The following CSMD1 variants were observed in gnomAD, a reference collection of about 807,000 sequenced individuals.
CSMD1 encodes CUB and Sushi multiple domains 1, also known as CUB and sushi domain-containing protein 1.
A neutral mutation model predicts 417.5 loss-of-function variants in CSMD1; 213 were observed. That is an observed-to-expected ratio of 0.51 (90% CI 0.46 to 0.57). The LOEUF (loss-of-function observed/expected upper bound fraction) is 0.57, where lower values mean the gene tolerates loss of function less well. CSMD1 is among the 20% of genes least tolerant of loss of function. CSMD1 has a pLI of 0.00. For synonymous variants in CSMD1, 2,862 were observed against 1,736.8 expected (o/e 1.65, Z -16.11); for missense variants, 6,923 against 4,529.7 (o/e 1.53, Z -15.17).
At chr8:4,484,976 G>C (rs1398918105) in intron 2 of CSMD1, among the ~76,000 whole-genome samples, 5 of 68,470 alleles carry the variant, frequency 7.3e-5, no homozygotes, top group African/African-American at 3.0e-4. Context: ...GTGAGACTCT[G>C]CCTCAAAAAA....
At chr8:3,312,789 C>T (rs1563260626) in intron 23 of CSMD1, among the ~76,000 whole-genome samples, 1 of 135,236 alleles carries the variant, frequency 7.4e-6, no homozygotes, top group Middle Eastern at 3.7e-3. Context: ...GTCAGCATCT[C>T]TCAGGTTCTC....
chr8:4,662,482 T>C (rs1804666210), intron 1 of CSMD1, among the ~76,000 whole-genome samples: 1 of 152,228 alleles, frequency 6.6e-6, no homozygotes, highest in Non-Finnish European at 1.5e-5. Flanking sequence ...ACTTTGTTTC[T>C]GCAGACTGGT....
chr8:4,506,858 G>A (rs967759864), intron 2 of CSMD1, among the ~76,000 whole-genome samples: 5 of 152,114 alleles, frequency 3.3e-5, no homozygotes, highest in Non-Finnish European at 7.4e-5. Flanking sequence ...ATATTTGTAC[G>A]ATTGATAAGT....
chr8:3,781,846 C>T (rs1351764497), intron 5 of CSMD1, among the ~76,000 whole-genome samples: 2 of 152,150 alleles, frequency 1.3e-5, no homozygotes, highest in Non-Finnish European at 2.9e-5. Flanking sequence ...TTCCTAGATT[C>T]ATTTGTTCAA....
At chr8:3,124,788 C>A (rs1282452522) in intron 41 of CSMD1, among the ~76,000 whole-genome samples, 7 of 152,190 alleles carry the variant, frequency 4.6e-5, no homozygotes, top group Non-Finnish European at 8.8e-5. Context: ...CATTTTTTCA[C>A]CTGATAAATC....
chr8:4,823,326 T>A (rs1474894076), intron 1 of CSMD1, among the ~76,000 whole-genome samples: 2 of 152,100 alleles, frequency 1.3e-5, no homozygotes, highest in African/African-American at 4.8e-5. Flanking sequence ...TGTGATGACT[T>A]AGTTTTTAAA....
At chr8:4,670,765 A>C (rs948362257) in intron 1 of CSMD1, among the ~76,000 whole-genome samples, 2 of 152,194 alleles carry the variant, frequency 1.3e-5, no homozygotes, top group African/African-American at 4.8e-5. Flanking sequence ...AGTACACAAA[A>C]ATTTATAATA....
At chr8:3,398,046 C>A (rs907416898) in intron 16 of CSMD1, among the ~76,000 whole-genome samples, 1 of 152,122 alleles carries the variant, frequency 6.6e-6, no homozygotes, top group Non-Finnish European at 1.5e-5. Flanking sequence ...CAAAACATCA[C>A]ACTGAAACAA....
rs188172092 is a variant in CSMD1 at position 4,827,654 on chromosome 8, C to T, written c.85+166678G>A. 1.3e-4 allele frequency among the ~76,000 whole-genome samples: 20 copies of T among 152,160 alleles called. No homozygotes were observed. The East Asian group carries it at 3.3e-3, about 25-fold the overall frequency. On this transcript the variant is annotated intron_variant, in intron 1 of 69. Coordinates refer to ENST00000635120, the MANE Select transcript of CSMD1 (RefSeq NM_033225.6). ...AAGTCTTTAGGAATTCCCAGCTTCT[C>T]GAAATGCTTACTCTGATTTAGTGAA... is the stretch of plus-strand genomic sequence containing the variant.
intron 37 of CSMD1, among the ~76,000 whole-genome samples, chr8:3,173,678 T>C (rs952935200): frequency 1.3e-5 from 2 of 152,206 alleles, no homozygotes; most frequent in Admixed American, 1.3e-4. Flanking sequence ...CTCGTCTCAG[T>C]GCACAGAATG....
At chr8:4,374,291 G>T (rs1026952817) in intron 3 of CSMD1, among the ~76,000 whole-genome samples, 1 of 152,070 alleles carries the variant, frequency 6.6e-6, no homozygotes, top group African/African-American at 2.4e-5. Context: ...CTACTGTTAT[G>T]CTGTATTAGA....
At chr8:4,255,028 G>C (rs560982685) in intron 3 of CSMD1, among the ~76,000 whole-genome samples, 2 of 152,058 alleles carry the variant, frequency 1.3e-5, no homozygotes, top group African/African-American at 4.8e-5. Context: ...CAATCCCCTC[G>C]TACCATAGAG....
At chr8:2,972,563 T>G (rs1804551922) in intron 57 of CSMD1, among the ~76,000 whole-genome samples, 1 of 152,198 alleles carries the variant, frequency 6.6e-6, no homozygotes, top group Non-Finnish European at 1.5e-5. Context: ...TCCGTGGCTA[T>G]TCTTACTGTC....
intron 50 of CSMD1, among the ~76,000 whole-genome samples, chr8:3,050,402 C>T (rs1373401809): frequency 2.0e-5 from 3 of 152,138 alleles, no homozygotes; most frequent in African/African-American, 7.2e-5. Flanking sequence ...GAAATACAGA[C>T]TTTAAAAATG....
chr8:3,804,092 AT>A (rs530252286), intron 5 of CSMD1, among the ~76,000 whole-genome samples: 3 of 151,356 alleles, frequency 2.0e-5, no homozygotes, highest in African/African-American at 4.9e-5. Flanking sequence ...ACATCCAGCT[AT>A]TTTTTTTGTT....
At chr8:4,259,996 A>C (rs1007110657) in intron 3 of CSMD1, among the ~76,000 whole-genome samples, 1 of 149,664 alleles carries the variant, frequency 6.7e-6, no homozygotes, top group African/African-American at 2.5e-5. Flanking sequence ...CCTATAAAGC[A>C]CATCAGTTAA....
intron 41 of CSMD1, among the ~76,000 whole-genome samples, chr8:3,137,206 T>C (rs1197101793): frequency 5.9e-5 from 9 of 152,206 alleles, no homozygotes; most frequent in African/African-American, 2.2e-4. Flanking sequence ...ATTCCTCCTA[T>C]CTAGCTACAA....
At chr8:4,129,470 G>C (rs564856126) in intron 3 of CSMD1, among the ~76,000 whole-genome samples, 7 of 152,232 alleles carry the variant, frequency 4.6e-5, no homozygotes, top group Admixed American at 2.6e-4. Flanking sequence ...TAAAAATTGT[G>C]AAGTTTTGTA....
chr8:4,542,836 A>G (rs985769827), intron 2 of CSMD1, among the ~76,000 whole-genome samples: 3 of 152,210 alleles, frequency 2.0e-5, no homozygotes, highest in Non-Finnish European at 4.4e-5. Flanking sequence ...ATATTTGTAA[A>G]TAAAGAAAAA....
Sources: gnomAD v4.1 joint callset for allele counts (sites outside exome capture counted in the v4.1 genomes callset) on GRCh38, gnomAD v4.1.1 for gene constraint, MANE v1.5 for transcripts, NCBI Gene and HGNC (gene_info 2026-07-23, HGNC 2026-07-21) for gene names.